The following COPB1 variants were observed in gnomAD, a reference collection of about 807,000 sequenced individuals.
The protein encoded by COPB1 is coatomer subunit beta.
In COPB1, 21 loss-of-function variants were observed where a neutral mutation model predicts 108.7. The observed-to-expected ratio is 0.19, with a 90% CI of 0.14 to 0.28. COPB1 has a LOEUF of 0.28. Ranked by LOEUF, COPB1 falls within the 10% of genes least tolerant of loss-of-function variation. COPB1 has a pLI of 1.00. For missense variants in COPB1, 919 were observed against 1,141.3 expected (o/e 0.81, Z 2.81); for synonymous variants, 378 against 386.8 (o/e 0.98, Z 0.27).
intron 1 of COPB1, 139 bp downstream of exon 1, chr11:14,499,568 T>G (rs1851106431): frequency 7.1e-6 from 1 of 140,734 alleles, no homozygotes; most frequent in Non-Finnish European, 1.5e-5. Context: ...TTCCTAGCCC[T>G]CCGCCCCCAC....
At chr11:14,495,663 C>T (rs1162266209) in intron 2 of COPB1, among the ~76,000 whole-genome samples, 1 of 152,188 alleles carries the variant, frequency 6.6e-6, no homozygotes, top group Non-Finnish European at 1.5e-5. Context: ...CATGCCCAGT[C>T]TCAACTCTTC....
intron 21 of COPB1, 92 bp downstream of exon 21, chr11:14,458,440 T>C: frequency 1.6e-6 from 2 of 1,279,058 alleles, no homozygotes; most frequent in South Asian, 3.1e-5. Flanking sequence ...CATCTAATGC[T>C]AAAAAGATAC....
At position 14,492,091 on chromosome 11, in the gene COPB1, G is replaced by A. The variant is rs1289404194; in HGVS notation, c.492-1412C>T. 2.6e-5 allele frequency among the ~76,000 whole-genome samples: 4 copies of A among 152,126 alleles called. No homozygotes were observed. The East Asian group carries it at 7.7e-4, about 29-fold the overall frequency. ...TATTTTGAAGCAAATCACAGGCAATGTATCCTTTCTTCTGTAAATATATTG... is the reference window on the plus strand; with the variant it reads ...TATTTTGAAGCAAATCACAGGCAATATATCCTTTCTTCTGTAAATATATTG... On this transcript the variant is annotated intron_variant, in intron 4 of 21. Coordinates refer to ENST00000439561, the MANE Select transcript of COPB1 (RefSeq NM_001144061.2).
At chr11:14,484,075 T>C (rs1183824982) in intron 7 of COPB1, among the ~76,000 whole-genome samples, 1 of 152,210 alleles carries the variant, frequency 6.6e-6, no homozygotes, top group Non-Finnish European at 1.5e-5. Flanking sequence ...TGGTATTCTT[T>C]CCAAAAATGT....
At chr11:14,493,969 C>T (rs1296266825) in intron 3 of COPB1, among the ~76,000 whole-genome samples, 158 bp from the exon 4 acceptor site, 1 of 152,108 alleles carries the variant, frequency 6.6e-6, no homozygotes, top group African/African-American at 2.4e-5. Context: ...CAATTTTTAC[C>T]TATCTCATCA....
chr11:14,464,761 T>C (rs1850243394), intron 18 of COPB1, 150 bp downstream of exon 18: 3 of 849,002 alleles, frequency 3.5e-6, no homozygotes, highest in East Asian at 2.9e-5. Flanking sequence ...ATCCAGAACA[T>C]AGTTCAATGC....
chr11:14,465,107 A>T (rs1264341830), intron 17 of COPB1, 77 bp from the exon 18 acceptor site: 3 of 1,244,566 alleles, frequency 2.4e-6, no homozygotes, highest in Non-Finnish European at 3.2e-6. Context: ...ACACACACAC[A>T]CACTAACCAT....
intron 7 of COPB1, 114 bp from the exon 8 acceptor site, chr11:14,483,265 T>G (rs1850703573): frequency 3.6e-6 from 2 of 561,132 alleles, no homozygotes; most frequent in East Asian, 6.0e-5. Context: ...CACACTCCCA[T>G]GAAGCCAAAA....
At chr11:14,480,366 T>C (rs1850634814) in intron 10 of COPB1, among the ~76,000 whole-genome samples, 1 of 152,176 alleles carries the variant, frequency 6.6e-6, no homozygotes, top group African/African-American at 2.4e-5. Flanking sequence ...ACCTCACTTA[T>C]CTGACAGTGA....
In COPB1 at chr11:14,493,273, C is replaced by CA. The variant is rs538208480; in HGVS notation, c.491+368dup. 1.6e-4 allele frequency among the ~76,000 whole-genome samples: 25 copies of CA among 152,332 alleles called. No individual in the cohort carries two copies. In the South Asian group the frequency reaches 3.9e-3, roughly 24 times the overall value. ...AAGCTTCTGACAGTAAAAAGACCGA[C>CA]ATTCCACAAAACGAATTCTAAAACA... On this transcript the variant is annotated intron_variant, in intron 4 of 21. Coordinates refer to ENST00000439561, the MANE Select transcript of COPB1 (RefSeq NM_001144061.2).
chr11:14,471,146 C>A (rs2134103051), intron 14 of COPB1, among the ~76,000 whole-genome samples: 2 of 152,184 alleles, frequency 1.3e-5, no homozygotes, highest in Middle Eastern at 6.8e-3. Context: ...CTGTTGCCAA[C>A]AAATCTGCAC....
chr11:14,458,818 G>C (rs567458797), intron 20 of COPB1, 131 bp from the exon 21 acceptor site: 1 of 775,592 alleles, frequency 1.3e-6, no homozygotes, highest in South Asian at 2.1e-5. Flanking sequence ...GCTTGGAGCT[G>C]GAGTGCAGTG....
chr11:14,491,387 G>A (rs1418560543), intron 4 of COPB1, among the ~76,000 whole-genome samples: 1 of 152,088 alleles, frequency 6.6e-6, no homozygotes, highest in Non-Finnish European at 1.5e-5. Context: ...CTGGGAGAAG[G>A]AGCCGGGCGC....
intron 11 of COPB1, among the ~76,000 whole-genome samples, chr11:14,477,480 C>T (rs1161837255): frequency 6.6e-6 from 1 of 150,898 alleles, no homozygotes. Flanking sequence ...TCACTTGAGC[C>T]CAGGAGCTCA....
Position 14,475,093 on chromosome 11 carries a change from CAAAAAAAA to C in COPB1, c.1617-486_1617-479del, listed in dbSNP as rs146181255. On this transcript the variant is annotated intron_variant, in intron 13 of 21. Coordinates refer to ENST00000439561, the MANE Select transcript of COPB1 (RefSeq NM_001144061.2). Reference sequence around the variant, plus strand: ...TGGCCGACAGAGCAAGACTCTGTGTCAAAAAAAAAAAAAAAAAAAAAAAAAAGAAAACT... The same window carrying C: ...TGGCCGACAGAGCAAGACTCTGTGTCAAAAAAAAAAAAAAAAAAGAAAACT... Among the ~76,000 whole-genome samples, 206 of 71,540 alleles carry C rather than the reference CAAAAAAAA, an allele frequency of 2.9e-3. 6 individuals carry two copies. The East Asian group carries it at 0.073, about 25-fold the overall frequency. 46.9% of individuals were successfully genotyped at this position (71,540 alleles called of 152,430 possible).
chr11:14,471,082 A>C (rs1409638176), intron 14 of COPB1, among the ~76,000 whole-genome samples: 2 of 152,232 alleles, frequency 1.3e-5, no homozygotes, highest in Non-Finnish European at 2.9e-5. Flanking sequence ...CACAAAGGTA[A>C]CTTTCTAAAG....
intron 11 of COPB1, among the ~76,000 whole-genome samples, chr11:14,478,356 C>T (rs955811266): frequency 6.6e-6 from 1 of 151,130 alleles, no homozygotes; most frequent in Non-Finnish European, 1.5e-5. Context: ...GGGAGGATTG[C>T]TTTAGTCCAG....
intron 20 of COPB1, among the ~76,000 whole-genome samples, chr11:14,459,299 G>T (rs947029528): frequency 6.6e-6 from 1 of 151,696 alleles, no homozygotes; most frequent in African/African-American, 2.4e-5. Flanking sequence ...CGCCATGAAG[G>T]AAGAGACTAC....
intron 11 of COPB1, among the ~76,000 whole-genome samples, chr11:14,478,206 A>AT (rs1349790026): frequency 6.6e-6 from 1 of 151,974 alleles, no homozygotes; most frequent in Admixed American, 6.6e-5. Flanking sequence ...AAATACCAAA[A>AT]TGTTTCCCAG....
Sources: gnomAD v4.1 joint callset for allele counts (sites outside exome capture counted in the v4.1 genomes callset) on GRCh38, gnomAD v4.1.1 for gene constraint, MANE v1.5 for transcripts, NCBI Gene and HGNC (gene_info 2026-07-23, HGNC 2026-07-21) for gene names.